ITGAL: variants seen among roughly 807,000 people sequenced by gnomAD.
ITGAL encodes integrin subunit alpha L, also known as integrin alpha-L.
A neutral mutation model predicts 138.4 loss-of-function variants in ITGAL; 68 were observed. That is an observed-to-expected ratio of 0.49 (90% CI 0.40 to 0.60). The LOEUF (loss-of-function observed/expected upper bound fraction) is 0.60, where lower values mean the gene tolerates loss of function less well. Among genes scored for constraint, ITGAL ranks in the 20% least tolerant of loss-of-function variants. The pLI is 0.00. For missense variants in ITGAL, 1,256 were observed against 1,478.6 expected (o/e 0.85, Z 2.47); for synonymous variants, 561 against 584.3 (o/e 0.96, Z 0.57).
intron 4 of ITGAL, among the ~76,000 whole-genome samples, chr16:30,477,636 G>C (rs1265383558): frequency 6.6e-6 from 1 of 151,776 alleles, no homozygotes; most frequent in Non-Finnish European, 1.5e-5. Context: ...ATAAATGAAA[G>C]AAATGACTTT....
intron 21 of ITGAL, among the ~76,000 whole-genome samples, chr16:30,507,488 A>T: frequency 6.6e-6 from 1 of 151,632 alleles, no homozygotes; most frequent in Non-Finnish European, 1.5e-5. Context: ...AACAAAAAAA[A>T]AACCCACAAA....
intron 21 of ITGAL, 48 bp downstream of exon 21, chr16:30,506,904 C>G: frequency 6.2e-7 from 1 of 1,601,902 alleles, no homozygotes; most frequent in Non-Finnish European, 8.5e-7. Context: ...TCGGCAGACA[C>G]TGCCCCCTTC....
chr16:30,496,125 A>T lies in ITGAL; in HGVS notation c.1532A>T (p.Gln511Leu). ...QLGFEEVSEL[Q>L]GDPGYPLGRF... ...GGGTTTGAAGAAGTCTCAGAGCTGC[A>T]GGGGGACCCCGGCTACCCACTCGGG... Residue 511 changes from glutamine to leucine, a missense_variant, in exon 14 of 31, where the codon CAG (glutamine) becomes CTG (leucine). This residue lies in a region of ITGAL where 867 missense variants were observed against 972.5 expected (regional missense o/e 0.89). Coordinates refer to ENST00000356798, the MANE Select transcript of ITGAL (RefSeq NM_002209.3). 6.2e-7 allele frequency: 1 copy of T among 1,614,006 alleles called. No homozygotes were observed. Among genetic ancestry groups the T allele is most frequent in the African/African-American group, 1.3e-5 (1 of 75,036 alleles).
intron 21 of ITGAL, among the ~76,000 whole-genome samples, chr16:30,507,277 G>A (rs1344143174): frequency 6.6e-6 from 1 of 151,996 alleles, no homozygotes. Context: ...GGCTAACACG[G>A]TGAAACCCCG....
intron 9 of ITGAL, among the ~76,000 whole-genome samples, chr16:30,485,190 C>G (rs1567467533): frequency 6.8e-6 from 1 of 147,550 alleles, no homozygotes; most frequent in Non-Finnish European, 1.5e-5. Context: ...CTCCTCCCCC[C>G]TTCCTCTCCC....
chr16:30,489,160 G>T lies in ITGAL; in HGVS notation c.1080+5G>T. 1 of 1,613,982 alleles carries T rather than the reference G, an allele frequency of 6.2e-7. No individual in the cohort carries two copies. The highest frequency in any genetic ancestry group is 8.5e-7 in the Non-Finnish European group (1 of 1,179,902). The stretch of plus-strand genomic sequence containing the variant: ...ATCAGTGCTGACCTCAGCAGGGTGC[G>T]TGCTGGGCTGGAGCAATGGGCTGCA... On this transcript the variant is annotated splice_donor_5th_base_variant and intron_variant, in intron 10 of 30. Transcript: ENST00000356798.
chr16:30,481,351 A>T (rs1470887984), intron 6 of ITGAL, 88 bp from the exon 7 acceptor site: 19 of 922,660 alleles, frequency 2.1e-5, no homozygotes, highest in South Asian at 7.7e-5. Flanking sequence ...CATCTAAAAA[A>T]AAAAAAAAAA....
intron 18 of ITGAL, among the ~76,000 whole-genome samples, 171 bp downstream of exon 18, chr16:30,504,435 A>C (rs1318443558): frequency 1.3e-5 from 2 of 152,000 alleles, no homozygotes; most frequent in East Asian, 3.8e-4. Context: ...AACATGGTGA[A>C]ACCCCATCTC....
intron 24 of ITGAL, among the ~76,000 whole-genome samples, chr16:30,512,395 T>C (rs1383565453): frequency 1.3e-5 from 2 of 152,090 alleles, no homozygotes; most frequent in Admixed American, 6.6e-5. Flanking sequence ...AAGACCAGCC[T>C]GGCCAACATG....
At chr16:30,479,806 TAC>T (rs1293738954) in intron 6 of ITGAL, among the ~76,000 whole-genome samples, 1 of 151,966 alleles carries the variant, frequency 6.6e-6, no homozygotes, top group African/African-American at 2.4e-5. Flanking sequence ...CAACTGCCAC[TAC>T]ACCCAGCTGA....
At chr16:30,501,691 T>A (rs2050901104) in intron 17 of ITGAL, among the ~76,000 whole-genome samples, 1 of 152,084 alleles carries the variant, frequency 6.6e-6, no homozygotes. Context: ...AGGGATTTTT[T>A]AAAGTTTTTA....
chr16:30,490,994 G>T (rs2050717146), intron 11 of ITGAL, among the ~76,000 whole-genome samples: 1 of 151,298 alleles, frequency 6.6e-6, no homozygotes, highest in Non-Finnish European at 1.5e-5. Flanking sequence ...AATTAGTTGG[G>T]CATGGTTGTG....
intron 27 of ITGAL, 22 bp from the exon 28 acceptor site, chr16:30,517,775 C>A (rs755892293): frequency 3.1e-6 from 5 of 1,613,678 alleles, no homozygotes; most frequent in Non-Finnish European, 4.2e-6. Context: ...CGCCCTGACC[C>A]CGCTTTCCTC....
chr16:30,484,288 G>A (rs749172546), intron 9 of ITGAL, 25 bp downstream of exon 9: 2 of 1,600,896 alleles, frequency 1.2e-6, no homozygotes, highest in Non-Finnish European at 1.7e-6. Flanking sequence ...CTGGGAGAGG[G>A]CTCGGGAGTC....
At position 30,481,890 on chromosome 16, in the gene ITGAL, G is replaced by T. The variant is rs2050565392; in HGVS notation, c.722+306G>T. The stretch of plus-strand genomic sequence containing the variant: ...TTTTTGTTTGTTTGTTTGGTTTTTG[G>T]TTTTTGTTTTTGTTTTTTGAGATGG... On this transcript the variant is annotated intron_variant, in intron 7 of 30. Transcript: ENST00000356798. 2.6e-5 allele frequency among the ~76,000 whole-genome samples: 4 copies of T among 151,746 alleles called. No individual in the cohort carries two copies. The South Asian group carries it at 6.2e-4, about 24-fold the overall frequency.
intron 17 of ITGAL, chr16:30,503,912 G>C (rs753915700): frequency 3.2e-6 from 1 of 313,832 alleles, no homozygotes; most frequent in Admixed American, 4.7e-5. Flanking sequence ...CTTCAGTTAG[G>C]ACACAGTGGG....
rs369134738 is a variant in ITGAL at position 30,504,281 on chromosome 16, A to G, written c.2235+17A>G. On this transcript the variant is annotated intron_variant, in intron 18 of 30. Coordinates refer to ENST00000356798, the MANE Select transcript of ITGAL (RefSeq NM_002209.3). ...CAAAGGGCGGTAAGAAGAGATGGCTAGGGATGGTGGGGAGTTTATCAGAGA... is the reference window on the plus strand; with the variant it reads ...CAAAGGGCGGTAAGAAGAGATGGCTGGGGATGGTGGGGAGTTTATCAGAGA... 274 of 1,582,374 alleles carry G rather than the reference A, an allele frequency of 1.7e-4. No individual in the cohort carries two copies. Among genetic ancestry groups the G allele is most frequent in the Non-Finnish European group, 2.2e-4 (258 of 1,151,388 alleles).
intron 10 of ITGAL, 46 bp downstream of exon 10, chr16:30,489,201 T>C (rs374518284): frequency 2.5e-6 from 4 of 1,613,656 alleles, no homozygotes; most frequent in African/African-American, 1.3e-5. Flanking sequence ...TGCAGTTGGC[T>C]CTGGGGGGTG....
At chr16:30,481,712 A>G in intron 7 of ITGAL, 128 bp downstream of exon 7, 8 of 772,650 alleles carry the variant, frequency 1.0e-5, no homozygotes, top group Non-Finnish European at 1.7e-5. Context: ...TCTGAATTGA[A>G]GTGGAACAAT....
Sources: allele counts gnomAD v4.1 joint callset (sites outside exome capture counted in the v4.1 genomes callset), GRCh38; gene constraint gnomAD v4.1.1; regional missense constraint gnomAD v4.1.1; transcripts MANE v1.5; gene names NCBI Gene and HGNC (gene_info 2026-07-23, HGNC 2026-07-21).